ANTXR1: variants seen among roughly 807,000 people sequenced by gnomAD.
ANTXR1 encodes the protein anthrax toxin receptor 1.
A neutral mutation model predicts 78.1 loss-of-function variants in ANTXR1; 19 were observed. The observed-to-expected ratio is 0.24, with a 90% CI of 0.17 to 0.36. The LOEUF (loss-of-function observed/expected upper bound fraction) is 0.36. Among genes scored for constraint, ANTXR1 ranks in the 10% least tolerant of loss-of-function variants. The pLI, the probability that ANTXR1 is intolerant of heterozygous loss-of-function variation, is 1.00. For missense variants in ANTXR1, 518 were observed against 718.6 expected (o/e 0.72, Z 3.19); for synonymous variants, 273 against 260.5 (o/e 1.05, Z -0.46).
chr2:69,157,330 C>G (rs750117914), intron 13 of ANTXR1, among the ~76,000 whole-genome samples: 6 of 152,118 alleles, frequency 3.9e-5, no homozygotes, highest in African/African-American at 1.4e-4. Context: ...ACACATTGTT[C>G]CTGGTCAGTG....
chr2:69,219,870 TC>T (rs1675277301), intron 17 of ANTXR1, among the ~76,000 whole-genome samples: 1 of 152,118 alleles, frequency 6.6e-6, no homozygotes, highest in African/African-American at 2.4e-5. Context: ...GGGTCCCCTT[TC>T]CCACTGTGTT....
intron 8 of ANTXR1, among the ~76,000 whole-genome samples, chr2:69,086,706 A>G (rs1428566562): frequency 2.0e-5 from 3 of 152,186 alleles, no homozygotes; most frequent in African/African-American, 7.2e-5. Context: ...AGCAGTAGCA[A>G]TAGTAATGAC....
At chr2:69,219,263 A>G (rs188211042) in intron 17 of ANTXR1, among the ~76,000 whole-genome samples, 58 of 152,208 alleles carry the variant, frequency 3.8e-4, no homozygotes, top group African/African-American at 1.3e-3. Flanking sequence ...GTGACTGTAA[A>G]GGCTTCTGTG....
intron 17 of ANTXR1, among the ~76,000 whole-genome samples, chr2:69,228,084 T>C (rs991026542): frequency 4.6e-5 from 7 of 152,226 alleles, no homozygotes; most frequent in African/African-American, 1.7e-4. Flanking sequence ...AGATAGAGCC[T>C]ATTAAGAAAT....
chr2:69,160,825 C>A (rs1000927096), intron 13 of ANTXR1, among the ~76,000 whole-genome samples: 5 of 152,218 alleles, frequency 3.3e-5, no homozygotes, highest in African/African-American at 1.2e-4. Context: ...CCTGTACTCT[C>A]CCAAACACTT....
At chr2:69,224,952 G>A (rs1675407386) in intron 17 of ANTXR1, among the ~76,000 whole-genome samples, 1 of 152,026 alleles carries the variant, frequency 6.6e-6, no homozygotes, top group African/African-American at 2.4e-5. Context: ...GAAGCTGCCT[G>A]GAGACATCTA....
chr2:69,017,267 G>C (rs1671052154), intron 1 of ANTXR1, among the ~76,000 whole-genome samples: 1 of 152,146 alleles, frequency 6.6e-6, no homozygotes, highest in East Asian at 1.9e-4. Context: ...TCCTCACACA[G>C]TGCTGTCCAG....
At chr2:69,021,209 A>T (rs1671179344) in intron 1 of ANTXR1, among the ~76,000 whole-genome samples, 1 of 152,156 alleles carries the variant, frequency 6.6e-6, no homozygotes, top group Non-Finnish European at 1.5e-5. Context: ...TTACCATTTC[A>T]CACGTGAGGA....
intron 14 of ANTXR1, among the ~76,000 whole-genome samples, chr2:69,178,382 C>T (rs894646671): frequency 1.2e-4 from 19 of 152,244 alleles, no homozygotes; most frequent in African/African-American, 3.9e-4. Flanking sequence ...CAGCTCCGGT[C>T]AGGGGATTAA....
At position 69,131,345 on chromosome 2, in the gene ANTXR1, G is replaced by A. The variant is rs977324483; in HGVS notation, c.951+6702G>A. Among the ~76,000 whole-genome samples, 11 of 152,040 alleles carry A rather than the reference G, an allele frequency of 7.2e-5. No homozygotes were observed. In the East Asian group the frequency reaches 9.6e-4, roughly 13 times the overall value. On this transcript the variant is annotated intron_variant, in intron 12 of 17. Transcript: ENST00000303714. ...TCGTGCCTTCACTTCCTCCTCTCAT[G>A]CAAAGGCCTGGAGAGCCACAGACTT...
At chr2:69,046,052 C>G (rs1274352314) in intron 3 of ANTXR1, among the ~76,000 whole-genome samples, 2 of 152,116 alleles carry the variant, frequency 1.3e-5, no homozygotes, top group African/African-American at 4.8e-5. Flanking sequence ...GAAGGTGTCT[C>G]TGGCCATCTC....
chr2:69,032,211 T>C (rs77334167), intron 1 of ANTXR1, among the ~76,000 whole-genome samples: 2 of 152,166 alleles, frequency 1.3e-5, no homozygotes, highest in African/African-American at 4.8e-5. Context: ...ATAATGACAT[T>C]AAGTGAAAAA....
chr2:69,110,336 C>A (rs1173175567), intron 10 of ANTXR1, among the ~76,000 whole-genome samples: 2 of 151,960 alleles, frequency 1.3e-5, no homozygotes, highest in Non-Finnish European at 2.9e-5. Context: ...GGATATTCAT[C>A]ACAGTATTGT....
At chr2:69,117,244 A>G (rs556480918) in intron 10 of ANTXR1, among the ~76,000 whole-genome samples, 8 of 152,230 alleles carry the variant, frequency 5.3e-5, no homozygotes, top group Non-Finnish European at 1.2e-4. Flanking sequence ...CAGCTACATT[A>G]TAAGACTAGC....
chr2:69,098,698 A>AGGTG (rs1365833566), intron 9 of ANTXR1, among the ~76,000 whole-genome samples: 1 of 152,212 alleles, frequency 6.6e-6, no homozygotes, highest in African/African-American at 2.4e-5. Flanking sequence ...TAAAAGGTAC[A>AGGTG]ATTCAGGCCA....
intron 3 of ANTXR1, among the ~76,000 whole-genome samples, chr2:69,053,490 C>T (rs1669986269): frequency 6.6e-6 from 1 of 152,136 alleles, no homozygotes; most frequent in African/African-American, 2.4e-5. Flanking sequence ...CCTTCCCTTA[C>T]TCTGACCTCA....
At chr2:69,225,669 GGA>G (rs1675428868) in intron 17 of ANTXR1, among the ~76,000 whole-genome samples, 1 of 152,034 alleles carries the variant, frequency 6.6e-6, no homozygotes, top group South Asian at 2.1e-4. Flanking sequence ...ATGGGATGCA[GGA>G]GAGAGGCGAG....
At chr2:69,046,194 T>A (rs79383704) in intron 3 of ANTXR1, among the ~76,000 whole-genome samples, 7,946 of 152,264 alleles carry the variant, frequency 0.052, 287 homozygotes, top group Middle Eastern at 0.11. Flanking sequence ...GGCTTCCTAG[T>A]GCAGCTTCAT....
chr2:69,117,659 G>A (rs1672193605), intron 10 of ANTXR1, among the ~76,000 whole-genome samples: 1 of 152,180 alleles, frequency 6.6e-6, no homozygotes, highest in Non-Finnish European at 1.5e-5. Context: ...CATCCATGTA[G>A]TCTATTTTAA....
Sources: gnomAD v4.1 joint callset for allele counts (sites outside exome capture counted in the v4.1 genomes callset) on GRCh38, gnomAD v4.1.1 for gene constraint, MANE v1.5 for transcripts, NCBI Gene and HGNC (gene_info 2026-07-23, HGNC 2026-07-21) for gene names.